Variants in PITPNC1 observed in about 807,000 individuals in gnomAD.
PITPNC1 encodes the protein phosphatidylinositol transfer protein cytoplasmic 1.
A neutral mutation model predicts 44.7 loss-of-function variants in PITPNC1; 18 were observed. The observed-to-expected ratio is 0.40, with a 90% CI of 0.28 to 0.60. PITPNC1 has a LOEUF of 0.60. Ranked by LOEUF, PITPNC1 falls within the 20% of genes least tolerant of loss-of-function variation. The pLI is 0.39. For missense variants in PITPNC1, 290 were observed against 418.4 expected (o/e 0.69, Z 2.68); for synonymous variants, 141 against 149.6 (o/e 0.94, Z 0.42).
At chr17:67,419,695 CAGG>C (rs1203015530) in intron 1 of PITPNC1, among the ~76,000 whole-genome samples, 1 of 152,228 alleles carries the variant, frequency 6.6e-6, no homozygotes, top group African/African-American at 2.4e-5. Context: ...AACTTGAGGT[CAGG>C]AGTTCGAGAC....
rs4066 is a variant in PITPNC1, at chr17:67,403,106, G to A, written c.48+24904G>A. Among the ~76,000 whole-genome samples, 1,030 of 150,946 alleles carry A rather than the reference G, an allele frequency of 6.8e-3. 5 individuals are homozygous for A. The highest frequency in any genetic ancestry group is 0.01 in the Middle Eastern group (3 of 288). Reference sequence around the variant, plus strand: ...GTAACATCTAAATCATAAAACATAGGTCTGGCCAGGTGAAGTGCTTGTGCC... The same window carrying A: ...GTAACATCTAAATCATAAAACATAGATCTGGCCAGGTGAAGTGCTTGTGCC... On this transcript the variant is annotated intron_variant, in intron 1 of 8. Transcript: ENST00000581322.
chr17:67,430,686 G>T (rs535625896), intron 1 of PITPNC1, among the ~76,000 whole-genome samples: 5 of 150,730 alleles, frequency 3.3e-5, no homozygotes, highest in Admixed American at 2.0e-4. Context: ...GGGCGTGGTG[G>T]TGCACACCTG....
At chr17:67,643,063 G>A (rs186064195) in intron 6 of PITPNC1, among the ~76,000 whole-genome samples, 43 of 152,318 alleles carry the variant, frequency 2.8e-4, no homozygotes, top group African/African-American at 1.0e-3. Flanking sequence ...TGCCAGGAGT[G>A]CAGTTGCTGA....
rs566966786 is a variant in PITPNC1 at position 67,448,134 on chromosome 17, CAG to C, written c.48+69933_48+69934del. 7.2e-4 allele frequency among the ~76,000 whole-genome samples: 109 copies of C among 151,994 alleles called. 1 individual carries two copies. Among genetic ancestry groups the C allele is most frequent in the African/African-American group, 1.4e-3 (58 of 41,370 alleles). ...CTAATGTTGGTATTTTTAGTAGAGACAGGGGTTTCTCCATGCTGGTCAGGCTG... is the reference window on the plus strand; with the variant it reads ...CTAATGTTGGTATTTTTAGTAGAGACGGGTTTCTCCATGCTGGTCAGGCTG... On this transcript the variant is annotated intron_variant, in intron 1 of 8. Transcript: ENST00000581322.
At chr17:67,629,358 C>T (rs535812844) in intron 5 of PITPNC1, among the ~76,000 whole-genome samples, 17 of 151,922 alleles carry the variant, frequency 1.1e-4, no homozygotes, top group African/African-American at 4.1e-4. Flanking sequence ...CTGCAATGTC[C>T]ACCTCCCAGG....
chr17:67,535,699 A>G (rs1345690243), intron 2 of PITPNC1, among the ~76,000 whole-genome samples: 2 of 152,238 alleles, frequency 1.3e-5, no homozygotes, highest in Non-Finnish European at 2.9e-5. Flanking sequence ...CAAACACAGG[A>G]TGAAATATAA....
chr17:67,403,467 A>G (rs769865773), intron 1 of PITPNC1, among the ~76,000 whole-genome samples: 1 of 152,238 alleles, frequency 6.6e-6, no homozygotes, highest in African/African-American at 2.4e-5. Context: ...TTTTTAGTGT[A>G]TAAACATTTA....
At chr17:67,544,691 G>T (rs527653134) in intron 2 of PITPNC1, among the ~76,000 whole-genome samples, 1 of 152,090 alleles carries the variant, frequency 6.6e-6, no homozygotes, top group African/African-American at 2.4e-5. Flanking sequence ...GCTTTCATAA[G>T]TCATGAACTC....
At position 67,442,205 on chromosome 17, in the gene PITPNC1, A is replaced by ATATG. The variant is rs2039022307; in HGVS notation, c.48+64006_48+64007insGTAT. ...GGAGCTGGATCAGGGGAAAATAAGC[A>ATATG]TATATATATATATATATATATATAT... On this transcript the variant is annotated intron_variant, in intron 1 of 8. Coordinates refer to ENST00000581322, the MANE Select transcript of PITPNC1 (RefSeq NM_012417.4). Among the ~76,000 whole-genome samples the ATATG allele has an allele frequency of 6.4e-4, 7 of 10,908 alleles. No homozygotes were observed. The African/African-American group carries it at 6.4e-3, about 10-fold the overall frequency. The allele number at this position is 10,908 out of a possible 152,430, so 7.2% of individuals were successfully genotyped here.
intron 1 of PITPNC1, among the ~76,000 whole-genome samples, chr17:67,449,206 T>C (rs1049839792): frequency 6.6e-6 from 1 of 152,256 alleles, no homozygotes; most frequent in African/African-American, 2.4e-5. Flanking sequence ...TTTAATTTTC[T>C]CTGACTTTCT....
In PITPNC1 at chr17:67,559,154, CT is replaced by C. The variant is rs370763827; in HGVS notation, c.294+5540del. Among the ~76,000 whole-genome samples the C allele has an allele frequency of 1.6e-4, 25 of 152,334 alleles. 1 individual carries two copies. The South Asian group carries it at 5.0e-3, about 30-fold the overall frequency. On this transcript the variant is annotated intron_variant, in intron 4 of 8. Transcript: ENST00000581322. Reference sequence around the variant, plus strand: ...CCCCATTCCTCCCAAGCCCCGTCTCCTTTCTTAAGCCTTTCTTCCCCGCACC... The same window carrying C: ...CCCCATTCCTCCCAAGCCCCGTCTCCTTCTTAAGCCTTTCTTCCCCGCACC...
At chr17:67,466,226 A>T (rs2039426848) in intron 1 of PITPNC1, among the ~76,000 whole-genome samples, 1 of 150,598 alleles carries the variant, frequency 6.6e-6, no homozygotes, top group African/African-American at 2.5e-5. Flanking sequence ...GCGTCTCACG[A>T]TGTTGTCCAG....
At chr17:67,499,166 C>G (rs1189943548) in intron 1 of PITPNC1, among the ~76,000 whole-genome samples, 2 of 151,346 alleles carry the variant, frequency 1.3e-5, no homozygotes, top group Non-Finnish European at 2.9e-5. Flanking sequence ...GAGCCACGTG[C>G]CCAGCCCGTA....
intron 6 of PITPNC1, among the ~76,000 whole-genome samples, chr17:67,664,797 C>T (rs913388022): frequency 3.3e-5 from 5 of 151,440 alleles, no homozygotes; most frequent in African/African-American, 1.2e-4. Flanking sequence ...CCCAGCTACT[C>T]GGGAGTCTGA....
chr17:67,664,876 G>A (rs2042399241), intron 6 of PITPNC1, among the ~76,000 whole-genome samples: 1 of 149,676 alleles, frequency 6.7e-6, no homozygotes, highest in Admixed American at 6.7e-5. Flanking sequence ...CTGTACTCCA[G>A]CCTGGGCGAC....
At chr17:67,380,382 C>T (rs892930973) in intron 1 of PITPNC1, among the ~76,000 whole-genome samples, 2 of 152,148 alleles carry the variant, frequency 1.3e-5, no homozygotes, top group Non-Finnish European at 2.9e-5. Context: ...GCCAGCCCTT[C>T]CTTTCTTAAT....
chr17:67,592,177 A>C (rs2041401645), intron 5 of PITPNC1, among the ~76,000 whole-genome samples: 1 of 152,166 alleles, frequency 6.6e-6, no homozygotes, highest in African/African-American at 2.4e-5. Context: ...ATGATAGCAA[A>C]ATGATTATGT....
chr17:67,434,814 T>A lies in PITPNC1; in HGVS notation c.48+56612T>A, dbSNP rs1323544472. ...CTCTGCCTCAAAAAAAAAAAAAAAATAAAAAAATAAAAGGCCAGGCTAGGT... is the reference window on the plus strand; with the variant it reads ...CTCTGCCTCAAAAAAAAAAAAAAAAAAAAAAAATAAAAGGCCAGGCTAGGT... On this transcript the variant is annotated intron_variant, in intron 1 of 8. Coordinates refer to ENST00000581322, the MANE Select transcript of PITPNC1 (RefSeq NM_012417.4). Among the ~76,000 whole-genome samples, 41 of 123,976 alleles carry A rather than the reference T, an allele frequency of 3.3e-4. 1 individual carries two copies. Among genetic ancestry groups the A allele is most frequent in the East Asian group, 1.5e-3 (6 of 3,966 alleles). 81.3% of individuals were successfully genotyped at this position (123,976 alleles called of 152,430 possible). A position where few individuals can be genotyped will look rare whatever the true frequency, so the allele number is the denominator to read the frequency against.
intron 1 of PITPNC1, among the ~76,000 whole-genome samples, chr17:67,458,450 A>G (rs1201622867): frequency 6.6e-6 from 1 of 152,088 alleles, no homozygotes; most frequent in East Asian, 1.9e-4. Context: ...ATTTCTGTCT[A>G]ATCTACTATT....
Sources: gnomAD v4.1 joint callset for allele counts (sites outside exome capture counted in the v4.1 genomes callset) on GRCh38, gnomAD v4.1.1 for gene constraint, MANE v1.5 for transcripts, NCBI Gene and HGNC (gene_info 2026-07-23, HGNC 2026-07-21) for gene names.